The following GLIS2 variants were observed in gnomAD, a reference collection of about 807,000 sequenced individuals.
GLIS2 encodes GLIS family zinc finger 2.
GLIS2 carries 14 observed loss-of-function variants against 35.6 expected under a neutral mutation model. The ratio of observed to expected loss-of-function variants is 0.39; its 90% confidence interval spans 0.26 to 0.61. The LOEUF is 0.61. Among genes scored for constraint, GLIS2 ranks in the 20% least tolerant of loss-of-function variants. The pLI is 0.48. For synonymous variants in GLIS2, 368 were observed against 325.1 expected (o/e 1.13, Z -1.42); for missense variants, 675 against 713.4 (o/e 0.95, Z 0.61).
At chr16:4,328,961 C>T (rs1457293423) in intron 1 of GLIS2, 1 of 151,158 alleles carries the variant, frequency 6.6e-6, no homozygotes, top group Non-Finnish European at 1.5e-5. Flanking sequence ...CTTGTGGTCC[C>T]CTTCTCCGGA....
chr16:4,337,175 T>C lies in GLIS2; in HGVS notation c.1226T>C (p.Leu409Pro). Residue 409 changes from leucine to proline, a missense_variant, in exon 7 of 7, where the codon CTC becomes CCC. By Grantham distance (98) the Leu-to-Pro change is moderately conservative (BLOSUM62 -3). Around this residue, in one of 3 missense-constraint regions of GLIS2, gnomAD observed 317 missense variants for 283.2 expected, o/e 1.12. Coordinates refer to ENST00000433375, the MANE Select transcript of GLIS2 (RefSeq NM_032575.3). ...GPGLPGPVLP[L>P]NLAKNPLLPS... is the part of the protein sequence containing the mutation. The stretch of plus-strand genomic sequence containing the variant: ...GGGCTGCCAGGCCCCGTCCTGCCTC[T>C]CAATCTGGCCAAGAACCCGCTGCTG... The C allele has an allele frequency of 1.3e-6, 2 of 1,543,270 alleles. No individual in the cohort carries two copies. The highest frequency in any genetic ancestry group is 8.7e-7 in the Non-Finnish European group (1 of 1,146,910).
chr16:4,337,265 G>A lies in GLIS2; in HGVS notation c.1316G>A (p.Gly439Asp). ...PVVSLLAGAA[G>D]GKAEGEKGRG... ...GTCTCCCTCCTTGCTGGCGCAGCTGGTGGCAAGGCCGAGGGGGAGAAGGGG... is the reference window on the plus strand; with the variant it reads ...GTCTCCCTCCTTGCTGGCGCAGCTGATGGCAAGGCCGAGGGGGAGAAGGGG... The change falls in exon 7 of 7, where the codon GGT becomes GAT. Residue 439 changes from glycine (G) to aspartate (D), a missense_variant. Coordinates refer to ENST00000433375, the MANE Select transcript of GLIS2 (RefSeq NM_032575.3). The A allele has an allele frequency of 6.5e-7, 1 of 1,549,398 alleles. No individual in the cohort carries two copies. The highest frequency in any genetic ancestry group is 8.7e-7 in the Non-Finnish European group (1 of 1,147,870).
At position 4,338,550 on chromosome 16, in the gene GLIS2, G is replaced by A. The variant is rs1488102056; in HGVS notation, c.*1026G>A. On this transcript the variant is annotated 3_prime_UTR_variant, in exon 7 of 7. Coordinates refer to ENST00000433375, the MANE Select transcript of GLIS2 (RefSeq NM_032575.3). Reference sequence around the variant, plus strand: ...GGGGCTCCAAGTGACAGCATGCAGGGGAGGGGGCTCCCAGTCAGTGCTGTG... The same window carrying A: ...GGGGCTCCAAGTGACAGCATGCAGGAGAGGGGGCTCCCAGTCAGTGCTGTG... 6.5e-6 allele frequency: 1 copy of A among 152,688 alleles called. No homozygotes were observed. Among genetic ancestry groups the A allele is most frequent in the African/African-American group, 2.4e-5 (1 of 41,480 alleles). The allele number at this position is 152,688 out of a possible 1,614,324, so 9.5% of individuals were successfully genotyped here.
At chr16:4,330,960 A>C (rs757570338) in intron 1 of GLIS2, among the ~76,000 whole-genome samples, 1 of 151,850 alleles carries the variant, frequency 6.6e-6, no homozygotes, top group Non-Finnish European at 1.5e-5. Context: ...AAACTGCTTA[A>C]AAGCGTTTGG....
Position 4,335,332 on chromosome 16 carries a change from G to A in GLIS2, c.714G>A (p.Pro238=), listed in dbSNP as rs201233245. ...THTNEKPHRC[P]TCSKSFSRLE... is the part of the protein sequence containing the mutation. ...CCAACGAGAAGCCACACCGCTGTCC[G>A]ACCTGCAGCAAGAGCTTCTCCCGCC... The change falls in exon 6 of 7, where the codon CCG becomes CCA. Residue 238 remains proline, a synonymous_variant. Coordinates refer to ENST00000433375, the MANE Select transcript of GLIS2 (RefSeq NM_032575.3). The surrounding 1 kb of genome is among the most constrained non-coding windows in gnomAD (Gnocchi z 4.6). The A allele has an allele frequency of 2.4e-5, 39 of 1,613,790 alleles. No individual in the cohort carries two copies. The East Asian group carries it at 5.6e-4, about 23-fold the overall frequency.
At chr16:4,334,773 C>G (rs757350321) in intron 3 of GLIS2, 28 bp from the exon 4 acceptor site, 1 of 1,612,684 alleles carries the variant, frequency 6.2e-7, no homozygotes, top group Non-Finnish European at 8.5e-7. Context: ...CCAGCAGGAC[C>G]TTGACTAGCC....
chr16:4,323,310 G>T (rs908567139), intron 1 of GLIS2, among the ~76,000 whole-genome samples: 5 of 152,214 alleles, frequency 3.3e-5, no homozygotes, highest in Admixed American at 3.3e-4. Flanking sequence ...AGCCCGGGTG[G>T]GTGGGCAGGT....
chr16:4,335,462 C>A lies in GLIS2; in HGVS notation c.775+69C>A. 2 of 1,379,708 alleles carry A rather than the reference C, an allele frequency of 1.4e-6. No homozygotes were observed. The highest frequency in any genetic ancestry group is 2.1e-6 in the Non-Finnish European group (2 of 970,180). 85.5% of individuals were successfully genotyped at this position (1,379,708 alleles called of 1,614,324 possible). On this transcript the variant is annotated intron_variant, in intron 6 of 6. Coordinates refer to ENST00000433375, the MANE Select transcript of GLIS2 (RefSeq NM_032575.3). The surrounding 1 kb of genome is among the most constrained non-coding windows in gnomAD (Gnocchi z 4.6). Reference sequence around the variant, plus strand: ...TCAGCTGAGACCGGCTGGGCAGGTCCCCAGGGGGAGGGGACTGTTAAGTAA... The same window carrying A: ...TCAGCTGAGACCGGCTGGGCAGGTCACCAGGGGGAGGGGACTGTTAAGTAA...
Position 4,338,991 on chromosome 16 carries a change from A to T in GLIS2, c.*1467A>T, listed in dbSNP as rs2053594047. 6.6e-6 allele frequency: 1 copy of T among 152,368 alleles called. No individual in the cohort carries two copies. Among genetic ancestry groups the T allele is most frequent in the South Asian group, 2.1e-4 (1 of 4,832 alleles). 9.4% of individuals were successfully genotyped at this position (152,368 alleles called of 1,614,324 possible). ...TCTGTAAAACGAGGCAGCTGCCCGG[A>T]CAGCCTTGGGGTCCTTAGTGGCCCT... On this transcript the variant is annotated 3_prime_UTR_variant, in exon 7 of 7. Transcript: ENST00000433375.
chr16:4,332,444 C>G lies in GLIS2; in HGVS notation c.164C>G (p.Pro55Arg). The change falls in exon 2 of 7, where the codon CCG becomes CGG. Residue 55 changes from proline to arginine, a missense_variant. Pro to Arg is a moderately radical substitution (Grantham distance 103). This residue lies in a region of GLIS2 where 225 missense variants were observed against 238.7 expected (regional missense o/e 0.94). Coordinates refer to ENST00000433375, the MANE Select transcript of GLIS2 (RefSeq NM_032575.3). This position sits in a 1 kb window ranked among gnomAD's most constrained non-coding sequence, Gnocchi z 5.4. ...CCCACACCTGGCTCTCCAGGCTCCC[C>G]GCCCTCAGGTACTGGCCCTGGGCAG... ...DSPTPGSPGS[P>R]PSGFLLNSKF... is the part of the protein sequence containing the mutation. 1 of 1,611,534 alleles carries G rather than the reference C, an allele frequency of 6.2e-7. No individual in the cohort carries two copies. Among genetic ancestry groups the G allele is most frequent in the Admixed American group, 1.7e-5 (1 of 59,990 alleles).
Position 4,337,292 on chromosome 16 carries a change from G to A in GLIS2, c.1343G>A (p.Arg448His), listed in dbSNP as rs745353547. The change falls in exon 7 of 7, where the codon CGT becomes CAT. Residue 448 changes from arginine to histidine, a missense_variant. By Grantham distance (29) the Arg-to-His change is conservative (BLOSUM62 0). Around this residue, in one of 3 missense-constraint regions of GLIS2, gnomAD observed 317 missense variants for 283.2 expected, o/e 1.12. Coordinates refer to ENST00000433375, the MANE Select transcript of GLIS2 (RefSeq NM_032575.3). ...AGGKAEGEKG[R>H]GSVPTRALGM... ...GGCAAGGCCGAGGGGGAGAAGGGGC[G>A]TGGGTCGGTGCCCACCAGGGCCCTG... The A allele has an allele frequency of 1.5e-5, 24 of 1,555,204 alleles. No homozygotes were observed. The highest frequency in any genetic ancestry group is 5.9e-5 in the South Asian group (5 of 84,658).
intron 1 of GLIS2, among the ~76,000 whole-genome samples, chr16:4,317,010 A>G (rs2053320867): frequency 6.6e-6 from 1 of 152,156 alleles, no homozygotes; most frequent in Non-Finnish European, 1.5e-5. Context: ...GCTGGAATCC[A>G]GGCTGGCACC....
At chr16:4,336,460 T>G in intron 6 of GLIS2, 1 of 605,584 alleles carries the variant, frequency 1.7e-6, no homozygotes, top group East Asian at 2.8e-5. Flanking sequence ...AAGGCCATGT[T>G]CTGCTGCTGA....
chr16:4,323,663 G>A (rs549893723), intron 1 of GLIS2, among the ~76,000 whole-genome samples: 2 of 152,312 alleles, frequency 1.3e-5, no homozygotes, highest in South Asian at 2.1e-4. Context: ...TAGGAAGCCC[G>A]GGCTGGTGCA....
rs140544340 is a variant in GLIS2 at position 4,336,959 on chromosome 16, C to T, written c.1010C>T (p.Pro337Leu). 2,533 of 1,610,952 alleles carry T rather than the reference C, an allele frequency of 1.6e-3. 62 individuals are homozygous for T. In the East Asian group the frequency reaches 0.044, roughly 28 times the overall value. Reference protein sequence around the residue: ...ELLQLRPPPKPPLPAPDGGPY... With the variant: ...ELLQLRPPPKLPLPAPDGGPY... ...CTGCAGCTGCGCCCACCCCCCAAGC[C>T]GCCACTGCCCGCCCCCGACGGCGGC... The change falls in exon 7 of 7, where the codon CCG (proline) becomes CTG (leucine). Residue 337 changes from proline (P) to leucine (L), a missense_variant. Pro to Leu is a moderately conservative substitution (Grantham distance 98, BLOSUM62 -3). Around this residue, in one of 3 missense-constraint regions of GLIS2, gnomAD observed 317 missense variants for 283.2 expected, o/e 1.12. Transcript: ENST00000433375.
At chr16:4,324,435 G>A (rs1023130981) in intron 1 of GLIS2, among the ~76,000 whole-genome samples, 2 of 152,182 alleles carry the variant, frequency 1.3e-5, no homozygotes, top group African/African-American at 2.4e-5. Flanking sequence ...AGGTGGTTAG[G>A]GCCAGCTGTG....
In GLIS2 at chr16:4,332,206, CT is replaced by C; in HGVS notation, c.-66-7del. On this transcript the variant is annotated splice_polypyrimidine_tract_variant and splice_region_variant and intron_variant, in intron 1 of 6. Coordinates refer to ENST00000433375, the MANE Select transcript of GLIS2 (RefSeq NM_032575.3). This position sits in a 1 kb window ranked among gnomAD's most constrained non-coding sequence, Gnocchi z 5.4. ...TCAGTGCCACAGCACAGCTCCTGTCCTTCCCCAGGTTCCTGCGTGAAGACCA... is the reference window on the plus strand; with the variant it reads ...TCAGTGCCACAGCACAGCTCCTGTCCTCCCCAGGTTCCTGCGTGAAGACCA... 6.5e-7 allele frequency: 1 copy of C among 1,550,226 alleles called. No homozygotes were observed.
rs528231682 is a variant in GLIS2, at chr16:4,335,470, G to T, written c.775+77G>T. 16 of 1,283,000 alleles carry T rather than the reference G, an allele frequency of 1.2e-5. No individual in the cohort carries two copies. In the African/African-American group the frequency reaches 1.3e-4, roughly 11 times the overall value. The allele number at this position is 1,283,000 out of a possible 1,614,324, so 79.5% of individuals were successfully genotyped here. On this transcript the variant is annotated intron_variant, in intron 6 of 6. Coordinates refer to ENST00000433375, the MANE Select transcript of GLIS2 (RefSeq NM_032575.3). The surrounding 1 kb of genome is among the most constrained non-coding windows in gnomAD (Gnocchi z 4.6). The stretch of plus-strand genomic sequence containing the variant: ...GACCGGCTGGGCAGGTCCCCAGGGG[G>T]AGGGGACTGTTAAGTAAATCCCGGG...
upstream of GLIS2, chr16:4,315,402 A>C (rs1223970377): frequency 1.3e-5 from 2 of 152,166 alleles, no homozygotes; most frequent in African/African-American, 4.8e-5. Context: ...GCCCGCAGAG[A>C]GGCATTCCTG....
Sources: allele counts gnomAD v4.1 joint callset (sites outside exome capture counted in the v4.1 genomes callset), GRCh38; gene constraint gnomAD v4.1.1; regional missense constraint gnomAD v4.1.1; non-coding constraint Gnocchi (gnomAD v3.1); transcripts MANE v1.5; gene names NCBI Gene and HGNC (gene_info 2026-07-23, HGNC 2026-07-21).